USP34: variants seen among roughly 807,000 people sequenced by gnomAD.
USP34 encodes ubiquitin specific peptidase 34, also known as ubiquitin carboxyl-terminal hydrolase 34.
USP34 carries 70 observed loss-of-function variants against 460.3 expected under a neutral mutation model. That is an observed-to-expected ratio of 0.15 (90% CI 0.13 to 0.19). USP34 has a LOEUF of 0.19. Ranked by LOEUF, USP34 falls within the 10% of genes least tolerant of loss-of-function variation. The pLI is 1.00. For synonymous variants in USP34, 1,647 were observed against 1,405.3 expected (o/e 1.17, Z -3.85); for missense variants, 3,985 against 4,236.2 (o/e 0.94, Z 1.65).
Position 61,214,619 on chromosome 2 carries a change from T to C in USP34, c.8123A>G (p.His2708Arg). The part of the protein sequence containing the change: ...RQMFRSTRSL[H>R]IPTRDLPLSP... Reference sequence around the variant, plus strand: ...GAGTGGAAGGTCACGGGTTGGGATGTGCAAAGACCTTGTTGACCGGAACAT... The same window carrying C: ...GAGTGGAAGGTCACGGGTTGGGATGCGCAAAGACCTTGTTGACCGGAACAT... Residue 2708 changes from histidine (H) to arginine (R), a missense_variant, in exon 68 of 80, where the codon CAC becomes CGC. Coordinates refer to ENST00000398571, the MANE Select transcript of USP34 (RefSeq NM_014709.4). 1 of 1,614,212 alleles carries C rather than the reference T, an allele frequency of 6.2e-7. No individual in the cohort carries two copies. The highest frequency in any genetic ancestry group is 8.5e-7 in the Non-Finnish European group (1 of 1,180,038).
intron 1 of USP34, among the ~76,000 whole-genome samples, chr2:61,443,064 C>CAT (rs59723879): frequency 0.64 from 97,517 of 151,660 alleles, 31,445 homozygotes; most frequent in Middle Eastern, 0.7. Flanking sequence ...AGTTCTTACT[C>CAT]ATGTGGAAGC....
At chr2:61,295,429 G>T in intron 30 of USP34, 139 bp from the exon 31 acceptor site, 1 of 876,264 alleles carries the variant, frequency 1.1e-6, no homozygotes, top group Non-Finnish European at 1.5e-6. Context: ...TGAAGACTAG[G>T]TATATAACTG....
At chr2:61,427,856 A>G (rs913954343) in intron 1 of USP34, among the ~76,000 whole-genome samples, 5 of 152,102 alleles carry the variant, frequency 3.3e-5, no homozygotes, top group African/African-American at 1.2e-4. Context: ...TAGCCTCAAA[A>G]GGGCAAATCT....
At chr2:61,247,850 A>G (rs919374707) in intron 49 of USP34, among the ~76,000 whole-genome samples, 1 of 152,200 alleles carries the variant, frequency 6.6e-6, no homozygotes, top group African/African-American at 2.4e-5. Flanking sequence ...ACTGGAGTGC[A>G]GTAGTGCAAT....
intron 75 of USP34, among the ~76,000 whole-genome samples, chr2:61,194,372 A>G (rs1686732730): frequency 6.6e-6 from 1 of 152,220 alleles, no homozygotes; most frequent in Admixed American, 6.5e-5. Context: ...TAGGGAAGAG[A>G]GTTCCTACGT....
intron 1 of USP34, among the ~76,000 whole-genome samples, chr2:61,434,231 G>A (rs1479545272): frequency 2.6e-5 from 4 of 152,228 alleles, no homozygotes; most frequent in Non-Finnish European, 5.9e-5. Context: ...CCCAATAAGG[G>A]CCTCAGAAAC....
intron 2 of USP34, among the ~76,000 whole-genome samples, chr2:61,408,821 A>G (rs898149720): frequency 5.3e-5 from 8 of 151,926 alleles, no homozygotes; most frequent in Admixed American, 1.3e-4. Context: ...TGAACTTGGG[A>G]GGCGGAGGTT....
chr2:61,392,274 T>A (rs775439119), intron 5 of USP34, among the ~76,000 whole-genome samples: 1 of 152,118 alleles, frequency 6.6e-6, no homozygotes, highest in Non-Finnish European at 1.5e-5. Context: ...AGATCAAGGC[T>A]GCAGTCAGCT....
intron 43 of USP34, among the ~76,000 whole-genome samples, chr2:61,261,523 G>A (rs1405991340): frequency 6.6e-6 from 1 of 152,170 alleles, no homozygotes; most frequent in Non-Finnish European, 1.5e-5. Context: ...GGAGAGTTAA[G>A]TGTTTAACAA....
chr2:61,306,711 A>G (rs1325302327), intron 27 of USP34, among the ~76,000 whole-genome samples: 1 of 152,218 alleles, frequency 6.6e-6, no homozygotes, highest in Non-Finnish European at 1.5e-5. Flanking sequence ...GACACATGAA[A>G]AAATGCTCAT....
chr2:61,190,049 T>C (rs1686584334), intron 78 of USP34: 2 of 444,706 alleles, frequency 4.5e-6, no homozygotes, highest in Non-Finnish European at 3.8e-6. Flanking sequence ...TTATTACCTT[T>C]CAGCATTTAA....
chr2:61,226,613 T>C (rs1034664101), intron 62 of USP34, among the ~76,000 whole-genome samples: 1 of 152,218 alleles, frequency 6.6e-6, no homozygotes, highest in African/African-American at 2.4e-5. Context: ...TATATTCTTT[T>C]GAATGGATGC....
chr2:61,466,336 G>A (rs1016281111), intron 1 of USP34, among the ~76,000 whole-genome samples: 2 of 151,886 alleles, frequency 1.3e-5, no homozygotes, highest in African/African-American at 4.8e-5. Flanking sequence ...GTGGCAGGAG[G>A]ATTGCTTAAG....
intron 59 of USP34, 79 bp downstream of exon 59, chr2:61,229,469 A>C (rs553106039): frequency 0.014 from 9,491 of 654,828 alleles, 136 homozygotes; most frequent in Middle Eastern, 0.028. Flanking sequence ...AAAAAAAAAA[A>C]AAAAAACAAA....
intron 10 of USP34, among the ~76,000 whole-genome samples, chr2:61,369,262 T>C (rs1052617670): frequency 6.6e-6 from 1 of 152,204 alleles, no homozygotes; most frequent in African/African-American, 2.4e-5. Flanking sequence ...TACTTGTAAG[T>C]AAGAATTTAT....
rs558873837 is a variant in USP34 at position 61,381,210 on chromosome 2, A to T, written c.822-849T>A. On this transcript the variant is annotated intron_variant, in intron 6 of 79. Transcript: ENST00000398571. ...ACACCCAAGAATGATCAATAAAAAAAAAAAAAATAAATAAATAAAAAATAA... is the reference window on the plus strand; with the variant it reads ...ACACCCAAGAATGATCAATAAAAAATAAAAAAATAAATAAATAAAAAATAA... 1.4e-3 allele frequency among the ~76,000 whole-genome samples: 204 copies of T among 149,368 alleles called. 1 individual carries two copies. Among genetic ancestry groups the T allele is most frequent in the East Asian group, 9.9e-3 (51 of 5,168 alleles).
At chr2:61,263,162 C>T (rs1476968570) in intron 43 of USP34, among the ~76,000 whole-genome samples, 1 of 147,432 alleles carries the variant, frequency 6.8e-6, no homozygotes, top group African/African-American at 2.5e-5. Context: ...GCACGCACCA[C>T]CACACATGGA....
intron 33 of USP34, among the ~76,000 whole-genome samples, chr2:61,291,528 C>T (rs1376057714): frequency 6.6e-6 from 1 of 152,208 alleles, no homozygotes; most frequent in Non-Finnish European, 1.5e-5. Flanking sequence ...CTTCCACTCC[C>T]TGGATTCAGC....
intron 53 of USP34, among the ~76,000 whole-genome samples, chr2:61,239,904 G>C (rs1339616944): frequency 6.6e-6 from 1 of 151,496 alleles, no homozygotes; most frequent in Non-Finnish European, 1.5e-5. Context: ...CCAGCTACTA[G>C]GGAGGCTGAG....
Sources: gnomAD v4.1 joint callset for allele counts (sites outside exome capture counted in the v4.1 genomes callset) on GRCh38, gnomAD v4.1.1 for gene constraint, MANE v1.5 for transcripts, NCBI Gene and HGNC (gene_info 2026-07-23, HGNC 2026-07-21) for gene names.